MCUB: variants seen among roughly 807,000 people sequenced by gnomAD.
MCUB encodes mitochondrial calcium uniporter dominant negative subunit beta.
MCUB carries 46 observed loss-of-function variants against 41.4 expected under a neutral mutation model. The observed-to-expected ratio is 1.11, with a 90% CI of 0.88 to 1.42. The LOEUF (loss-of-function observed/expected upper bound fraction) is 1.42. MCUB is among the 40% of genes most tolerant of loss of function. The pLI is 0.00. For synonymous variants in MCUB, 148 were observed against 148.2 expected (o/e 1.00, Z 0.01); for missense variants, 403 against 404.9 (o/e 1.00, Z 0.04).
chr4:109,657,688 C>G (rs1729136212), intron 1 of MCUB, among the ~76,000 whole-genome samples: 1 of 152,210 alleles, frequency 6.6e-6, no homozygotes, highest in South Asian at 2.1e-4. Flanking sequence ...CCTGTTCTTT[C>G]TACTCCCACA....
chr4:109,560,711 G>T (rs552530810), intron 1 of MCUB, among the ~76,000 whole-genome samples: 9 of 152,282 alleles, frequency 5.9e-5, no homozygotes, highest in Admixed American at 5.9e-4. Context: ...TAGGGTGCGG[G>T]GACCACCAGA....
chr4:109,600,307 C>T (rs2126130928), intron 1 of MCUB, among the ~76,000 whole-genome samples: 1 of 152,234 alleles, frequency 6.6e-6, no homozygotes, highest in Non-Finnish European at 1.5e-5. Context: ...GGCCATGTAG[C>T]CCTCATCTGA....
chr4:109,590,761 C>T (rs1727417705), intron 1 of MCUB, among the ~76,000 whole-genome samples: 1 of 152,198 alleles, frequency 6.6e-6, no homozygotes, highest in Non-Finnish European at 1.5e-5. Context: ...CTGCCCCATG[C>T]TTGTCTCCCC....
intron 1 of MCUB, among the ~76,000 whole-genome samples, chr4:109,619,038 A>ACCTACCTATCTACCTGCCTG (rs1728194804): frequency 1.2e-5 from 1 of 85,034 alleles, no homozygotes; most frequent in Non-Finnish European, 2.7e-5. Context: ...CTGCCTACCT[A>ACCTACCTATCTACCTGCCTG]CCTACCTACC....
intron 1 of MCUB, among the ~76,000 whole-genome samples, chr4:109,651,886 C>G (rs1302453446): frequency 1.3e-5 from 2 of 152,190 alleles, no homozygotes; most frequent in African/African-American, 4.8e-5. Flanking sequence ...TTTTCTGAGC[C>G]TATTTCCCAT....
intron 1 of MCUB, among the ~76,000 whole-genome samples, chr4:109,611,925 CAG>C (rs778307716): frequency 1.1e-4 from 16 of 152,196 alleles, no homozygotes; most frequent in Non-Finnish European, 2.2e-4. Flanking sequence ...CATTTTGTAA[CAG>C]AATTTCTCTT....
intron 1 of MCUB, among the ~76,000 whole-genome samples, chr4:109,646,029 C>T (rs1728828148): frequency 6.6e-6 from 1 of 152,120 alleles, no homozygotes; most frequent in African/African-American, 2.4e-5. Context: ...CATAGCCTTC[C>T]AGCTACTGCC....
chr4:109,685,008 T>G, intron 6 of MCUB: 1 of 403,134 alleles, frequency 2.5e-6, no homozygotes, highest in Non-Finnish European at 4.4e-6. Context: ...TATTTCTTCC[T>G]TCTTCTTTCC....
chr4:109,576,256 C>T lies in MCUB; in HGVS notation c.99+15820C>T, dbSNP rs2126125662. Among the ~76,000 whole-genome samples the T allele has an allele frequency of 2.0e-5, 3 of 152,304 alleles. 1 individual carries two copies. In the South Asian group the frequency reaches 6.2e-4, roughly 32 times the overall value. On this transcript the variant is annotated intron_variant, in intron 1 of 7. Transcript: ENST00000394650. ...TTAATTAAATCCTTCTATGTAGTCT[C>T]CGTTAGAGACATTCCTAAGTCCTCA...
At chr4:109,603,390 C>T (rs1366890563) in intron 1 of MCUB, among the ~76,000 whole-genome samples, 1 of 152,234 alleles carries the variant, frequency 6.6e-6, no homozygotes, top group Non-Finnish European at 1.5e-5. Context: ...GTCTCGCTCA[C>T]TCAGTGCTCA....
At chr4:109,646,208 C>G (rs1205417041) in intron 1 of MCUB, among the ~76,000 whole-genome samples, 1 of 152,140 alleles carries the variant, frequency 6.6e-6, no homozygotes, top group Non-Finnish European at 1.5e-5. Flanking sequence ...TATCCAAATA[C>G]TTGACTAACA....
chr4:109,569,149 C>T (rs2126123955), intron 1 of MCUB, among the ~76,000 whole-genome samples: 1 of 152,076 alleles, frequency 6.6e-6, no homozygotes, highest in African/African-American at 2.4e-5. Context: ...CGGGTTCACG[C>T]CATTCTCCTG....
chr4:109,629,351 T>G (rs1728425784), intron 1 of MCUB, among the ~76,000 whole-genome samples: 1 of 152,150 alleles, frequency 6.6e-6, no homozygotes, highest in Non-Finnish European at 1.5e-5. Context: ...AAACCAGTGT[T>G]TTTTCTATTG....
At chr4:109,612,257 CCTT>C (rs1401345535) in intron 1 of MCUB, among the ~76,000 whole-genome samples, 1 of 134,494 alleles carries the variant, frequency 7.4e-6, no homozygotes, top group Non-Finnish European at 1.6e-5. Context: ...TCCTCCTCCT[CCTT>C]TTCTTTTTTT....
In MCUB at chr4:109,688,517, TGTG is replaced by T. The variant is rs779738317; in HGVS notation, c.*928_*930del. On this transcript the variant is annotated 3_prime_UTR_variant, in exon 8 of 8. Transcript: ENST00000394650. ...GTAGGAATTAAAGTCATACACAAAA[TGTG>T]GTAATTCATATGTAGATGAAATATT... 1.3e-5 allele frequency: 2 copies of T among 152,224 alleles called. No homozygotes were observed. The highest frequency in any genetic ancestry group is 2.4e-5 in the African/African-American group (1 of 41,454). The allele number at this position is 152,224 out of a possible 1,614,324, so 9.4% of individuals were successfully genotyped here.
intron 1 of MCUB, among the ~76,000 whole-genome samples, chr4:109,580,259 T>A (rs1727139155): frequency 6.6e-6 from 1 of 152,204 alleles, no homozygotes; most frequent in African/African-American, 2.4e-5. Flanking sequence ...TGTGCCACAT[T>A]TTCTTAATCC....
chr4:109,668,437 G>A (rs1402095630), intron 4 of MCUB, among the ~76,000 whole-genome samples: 1 of 151,992 alleles, frequency 6.6e-6, no homozygotes, highest in Non-Finnish European at 1.5e-5. Flanking sequence ...TGTTTTGTCT[G>A]AAATTAATAT....
At chr4:109,650,731 CTTGCCAATTTTTCCAA>C (rs1728943359) in intron 1 of MCUB, among the ~76,000 whole-genome samples, 1 of 152,202 alleles carries the variant, frequency 6.6e-6, no homozygotes, top group African/African-American at 2.4e-5. Context: ...TCATTAAAAT[CTTGCCAATTTTTCCAA>C]TAATGTTCTT....
chr4:109,666,097 T>C (rs764005983), intron 4 of MCUB, among the ~76,000 whole-genome samples: 1 of 152,170 alleles, frequency 6.6e-6, no homozygotes, highest in Non-Finnish European at 1.5e-5. Context: ...CACTTAGTAA[T>C]ATGCATTTAA....
Sources: allele counts gnomAD v4.1 joint callset (sites outside exome capture counted in the v4.1 genomes callset), GRCh38; gene constraint gnomAD v4.1.1; transcripts MANE v1.5; gene names NCBI Gene and HGNC (gene_info 2026-07-23, HGNC 2026-07-21).